The following C16orf96 variants were observed in gnomAD, a reference collection of about 807,000 sequenced individuals.
C16orf96 encodes the protein uncharacterized protein C16orf96.
A neutral mutation model predicts 103.6 loss-of-function variants in C16orf96; 108 were observed. The ratio of observed to expected loss-of-function variants is 1.04; its 90% CI spans 0.89 to 1.22. The LOEUF is 1.22. Ranked by LOEUF, C16orf96 falls within the 50% of genes most tolerant of loss-of-function variation. The pLI is 0.00. For missense variants in C16orf96, 1,586 were observed against 1,464.2 expected (o/e 1.08, Z -1.36); for synonymous variants, 566 against 593.5 (o/e 0.95, Z 0.67).
chr16:4,585,338 T>TC (rs1437003984), intron 7 of C16orf96, among the ~76,000 whole-genome samples: 2 of 145,524 alleles, frequency 1.4e-5, no homozygotes, highest in Non-Finnish European at 3.0e-5. Context: ...TCACCTGCAG[T>TC]CCCAGCTCCT....
chr16:4,559,669 TATTGAC>T (rs2059307204), intron 1 of C16orf96, among the ~76,000 whole-genome samples: 1 of 152,192 alleles, frequency 6.6e-6, no homozygotes, highest in East Asian at 1.9e-4. Flanking sequence ...GCACACGATA[TATTGAC>T]ATTGTTGTGC....
At position 4,581,729 on chromosome 16, in the gene C16orf96, G is replaced by A. The variant is rs564452393; in HGVS notation, c.2352+1604G>A. Among the ~76,000 whole-genome samples the A allele has an allele frequency of 9.2e-5, 14 of 152,226 alleles. No homozygotes were observed. The South Asian group carries it at 2.7e-3, about 29-fold the overall frequency. ...GTGCAGAGGCTTAAACCTGTAATGA[G>A]GGAGGATTGCTTGAGGCCAGGAGTT... On this transcript the variant is annotated intron_variant, in intron 7 of 15. Coordinates refer to ENST00000444310, the MANE Select transcript of C16orf96 (RefSeq NM_001145011.2).
chr16:4,549,568 CAGGTGGATCATCTG>C, the C16orf96 span, among the ~76,000 whole-genome samples: 3 of 151,528 alleles, frequency 2.0e-5, no homozygotes, highest in Non-Finnish European at 4.4e-5. Context: ...GAGGCCGAGG[CAGGTGGATCATCTG>C]AGGTTAGGAA....
intron 3 of C16orf96, 55 bp from the exon 4 acceptor site, chr16:4,574,917 G>T: frequency 6.5e-7 from 1 of 1,531,834 alleles, no homozygotes; most frequent in East Asian, 2.4e-5. Flanking sequence ...TGCAGGTGTG[G>T]GGGACACTGC....
intron 1 of C16orf96, among the ~76,000 whole-genome samples, chr16:4,563,367 C>G (rs1362166422): frequency 6.6e-6 from 1 of 151,962 alleles, no homozygotes; most frequent in Non-Finnish European, 1.5e-5. Flanking sequence ...AGGCAATCCT[C>G]CCACCTCAAC....
chr16:4,561,953 G>T (rs368774977), intron 1 of C16orf96, among the ~76,000 whole-genome samples: 45 of 152,272 alleles, frequency 3.0e-4, no homozygotes, highest in African/African-American at 1.1e-3. Flanking sequence ...GATGTCAGCT[G>T]TTTGTTGTTG....
chr16:4,594,520 G>A lies in C16orf96; in HGVS notation c.3027+10G>A, dbSNP rs1251020235. ...GATCGACTATGACAGCGTGAGTCTG[G>A]CCGGGGCCTCCTTCTCAGAGGGTGG... On this transcript the variant is annotated intron_variant, in intron 13 of 15. Transcript: ENST00000444310. The A allele has an allele frequency of 4.5e-6, 7 of 1,549,212 alleles. No individual in the cohort carries two copies. The highest frequency in any genetic ancestry group is 2.7e-5 in the African/African-American group (2 of 73,024).
chr16:4,563,252 G>A lies in C16orf96; in HGVS notation c.420+6343G>A, dbSNP rs989775102. 4 of 446,696 alleles carry A rather than the reference G, an allele frequency of 9.0e-6. No individual in the cohort carries two copies. The Admixed American group carries it at 1.0e-4, about 12-fold the overall frequency. 27.7% of individuals were successfully genotyped at this position (446,696 alleles called of 1,614,324 possible). A position where few individuals can be genotyped will look rare whatever the true frequency, so the allele number is the denominator to read the frequency against. On this transcript the variant is annotated intron_variant, in intron 1 of 15. Transcript: ENST00000444310. ...TTGCTCGTTCGCTCATGACTGACTC[G>A]TTTGTTTTTATTTTTAAGGCAGGGT... is the stretch of plus-strand genomic sequence containing the variant.
upstream of C16orf96, among the ~76,000 whole-genome samples, chr16:4,551,821 C>A (rs560353642): frequency 8.9e-4 from 135 of 152,192 alleles, 1 homozygote; most frequent in Admixed American, 8.4e-3. Context: ...TGTCCATGTG[C>A]CATGGTGGTT....
intron 1 of C16orf96, among the ~76,000 whole-genome samples, chr16:4,559,566 AAAAT>A (rs2059306007): frequency 1.3e-5 from 2 of 152,062 alleles, no homozygotes; most frequent in African/African-American, 2.4e-5. Context: ...AAAAAAATTA[AAAAT>A]AAATAAATAA....
chr16:4,549,037 C>T, the C16orf96 span, among the ~76,000 whole-genome samples: 1 of 152,038 alleles, frequency 6.6e-6, no homozygotes, highest in African/African-American at 2.4e-5. Context: ...TGATGTTTAT[C>T]TCTCTTAGTT....
chr16:4,557,201 C>G (rs138831642), intron 1 of C16orf96, among the ~76,000 whole-genome samples: 1,804 of 152,242 alleles, frequency 0.012, 42 homozygotes, highest in African/African-American at 0.04. Flanking sequence ...AACCCCTGAT[C>G]TCAACTGATC....
At position 4,591,711 on chromosome 16, in the gene C16orf96, G is replaced by A. The variant is rs767734402; in HGVS notation, c.2638G>A (p.Val880Ile). Residue 880 changes from valine to isoleucine, a missense_variant, in exon 10 of 16, where the codon GTC becomes ATC. By Grantham distance (29) the Val-to-Ile change is conservative. Coordinates refer to ENST00000444310, the MANE Select transcript of C16orf96 (RefSeq NM_001145011.2). ...LDPLKKEMEE[V>I]WKIVRKLLIE... ...TCCCTTGAAGAAAGAAATGGAAGAG[G>A]TCTGGAAAATCGTCCGGAAGCTGCT... is the stretch of plus-strand genomic sequence containing the variant. 5 of 1,551,708 alleles carry A rather than the reference G, an allele frequency of 3.2e-6. No homozygotes were observed. The Admixed American group carries it at 9.8e-5, about 30-fold the overall frequency.
Position 4,575,923 on chromosome 16 carries a change from T to C in C16orf96, c.1443T>C (p.Asp481=), listed in dbSNP as rs373074127. ...ERARKDGAPK[D]RTRKDGVPKD... ...CCCGCAAGGATGGGGCCCCCAAGGA[T>C]AGAACTCGCAAGGATGGGGTCCCCA... Residue 481 remains aspartate, a synonymous_variant, in exon 5 of 16, where the codon GAT becomes GAC. Coordinates refer to ENST00000444310, the MANE Select transcript of C16orf96 (RefSeq NM_001145011.2). The C allele has an allele frequency of 4.5e-6, 7 of 1,549,532 alleles. No homozygotes were observed. The highest frequency in any genetic ancestry group is 6.1e-6 in the Non-Finnish European group (7 of 1,146,436).
At chr16:4,584,803 G>C (rs948413862) in intron 7 of C16orf96, among the ~76,000 whole-genome samples, 1 of 152,070 alleles carries the variant, frequency 6.6e-6, no homozygotes, top group Non-Finnish European at 1.5e-5. Flanking sequence ...CAAAGTGCTG[G>C]GATTACAGGC....
At position 4,556,613 on chromosome 16, in the gene C16orf96, C is replaced by T. The variant is rs2059265285; in HGVS notation, c.124C>T (p.Leu42Phe). Residue 42 changes from leucine (L) to phenylalanine (F), a missense_variant, in exon 1 of 16, where the codon CTC becomes TTC. Leu to Phe is a conservative substitution (Grantham distance 22). Coordinates refer to ENST00000444310, the MANE Select transcript of C16orf96 (RefSeq NM_001145011.2). ...GILEHIHMAE[L>F]KKVLSGDEDF... Reference sequence around the variant, plus strand: ...CTTGGAGCACATCCACATGGCCGAGCTCAAGAAAGTCCTCTCAGGCGATGA... The same window carrying T: ...CTTGGAGCACATCCACATGGCCGAGTTCAAGAAAGTCCTCTCAGGCGATGA... The T allele has an allele frequency of 6.4e-7, 1 of 1,551,636 alleles. No individual in the cohort carries two copies. The highest frequency in any genetic ancestry group is 8.7e-7 in the Non-Finnish European group (1 of 1,147,026).
In C16orf96 at chr16:4,593,514, G is replaced by A. The variant is rs1396785175; in HGVS notation, c.2867+198G>A. ...CAGGCCCACGAGATGATGGCGGAGG[G>A]AGGAACTGACATATTTACTGCACAT... On this transcript the variant is annotated intron_variant, in intron 12 of 15. Coordinates refer to ENST00000444310, the MANE Select transcript of C16orf96 (RefSeq NM_001145011.2). This position sits in a 1 kb window ranked among gnomAD's most constrained non-coding sequence, Gnocchi z 4.2. Among the ~76,000 whole-genome samples, 1 of 151,324 alleles carries A rather than the reference G, an allele frequency of 6.6e-6. No homozygotes were observed.
Position 4,573,147 on chromosome 16 carries a change from T to C in C16orf96, c.525+1482T>C, listed in dbSNP as rs943156514. ...TTAGACAAAGCTGTTGGAGAAACCA[T>C]GCCTTCTCGGCGGGGCCTGGTGTCT... On this transcript the variant is annotated intron_variant, in intron 2 of 15. Transcript: ENST00000444310. Among the ~76,000 whole-genome samples, 11 of 152,146 alleles carry C rather than the reference T, an allele frequency of 7.2e-5. No homozygotes were observed. In the South Asian group the frequency reaches 1.2e-3, roughly 17 times the overall value.
chr16:4,580,549 T>C (rs1396617875), intron 7 of C16orf96, among the ~76,000 whole-genome samples: 1 of 151,924 alleles, frequency 6.6e-6, no homozygotes, highest in African/African-American at 2.4e-5. Flanking sequence ...AAAATAATAA[T>C]AAAAAGAAAT....
Sources: allele counts gnomAD v4.1 joint callset (sites outside exome capture counted in the v4.1 genomes callset), GRCh38; gene constraint gnomAD v4.1.1; non-coding constraint Gnocchi (gnomAD v3.1); transcripts MANE v1.5; gene names NCBI Gene and HGNC (gene_info 2026-07-23, HGNC 2026-07-21).